FTO: variants seen among roughly 807,000 people sequenced by gnomAD.
The protein encoded by FTO is alpha-ketoglutarate-dependent dioxygenase FTO.
Under a neutral mutation model 63.9 loss-of-function variants are expected in FTO, and 47 were observed. The ratio of observed to expected loss-of-function variants is 0.74; its 90% CI spans 0.58 to 0.94. FTO has a LOEUF of 0.94. FTO is among the 40% of genes least tolerant of loss of function. FTO has a pLI of 0.00. For missense variants in FTO, 562 were observed against 618.1 expected, an observed-to-expected ratio of 0.91 and a Z score of 0.96; for synonymous variants, 207 against 224.4, an observed-to-expected ratio of 0.92 and a Z score of 0.69.
Position 53,947,660 on chromosome 16 carries a change from G to C in FTO, c.1364+13551G>C, listed in dbSNP as rs146794259. Among the ~76,000 whole-genome samples the C allele has an allele frequency of 5.5e-3, 830 of 152,254 alleles. 12 individuals carry two copies. Among genetic ancestry groups the C allele is most frequent in the African/African-American group, 0.019 (778 of 41,528 alleles). ...AAATTGCCTACTAAATAAATTAACAGGTTATCTTATTGGGATAATAAACAC... is the reference window on the plus strand; with the variant it reads ...AAATTGCCTACTAAATAAATTAACACGTTATCTTATTGGGATAATAAACAC... On this transcript the variant is annotated intron_variant, in intron 8 of 8. Transcript: ENST00000471389.
At chr16:54,012,846 A>T (rs2084360593) in intron 8 of FTO, among the ~76,000 whole-genome samples, 1 of 151,804 alleles carries the variant, frequency 6.6e-6, no homozygotes, top group East Asian at 1.9e-4. Context: ...AAAAAAAAAG[A>T]TTCCTTTCAA....
chr16:54,028,341 CCCT>C (rs1440183101), intron 8 of FTO, among the ~76,000 whole-genome samples: 3 of 152,132 alleles, frequency 2.0e-5, no homozygotes, highest in Non-Finnish European at 2.9e-5. Context: ...CCAGGATCCT[CCCT>C]CCTCCTCTCA....
intron 8 of FTO, among the ~76,000 whole-genome samples, chr16:53,957,241 G>A (rs1275751995): frequency 6.6e-6 from 1 of 152,186 alleles, no homozygotes; most frequent in African/African-American, 2.4e-5. Context: ...TGGAGGCCAA[G>A]GTAATTAAAC....
At chr16:53,805,474 G>A (rs2078340527) in intron 1 of FTO, among the ~76,000 whole-genome samples, 1 of 139,030 alleles carries the variant, frequency 7.2e-6, no homozygotes, top group Non-Finnish European at 1.5e-5. Flanking sequence ...GAGACAGAGA[G>A]TCTTATTCTG....
intron 3 of FTO, among the ~76,000 whole-genome samples, chr16:53,830,640 CTGTAA>C (rs1199230615): frequency 2.0e-5 from 3 of 152,226 alleles, no homozygotes; most frequent in South Asian, 2.1e-4. Context: ...AGGCTCACAA[CTGTAA>C]TCCCAGCACT....
At chr16:54,007,045 A>G (rs949311858) in intron 8 of FTO, among the ~76,000 whole-genome samples, 9 of 152,170 alleles carry the variant, frequency 5.9e-5, no homozygotes, top group Non-Finnish European at 1.0e-4. Context: ...CAAATGAAAT[A>G]AAAAGGTATT....
At chr16:53,738,848 AT>A (rs1054426640) in intron 1 of FTO, among the ~76,000 whole-genome samples, 16 of 150,438 alleles carry the variant, frequency 1.1e-4, no homozygotes, top group African/African-American at 2.9e-4. Flanking sequence ...TTTAAAAAAA[AT>A]TTTTTTTTTG....
chr16:54,098,921 A>C (rs1481804864), intron 8 of FTO, among the ~76,000 whole-genome samples: 1 of 152,230 alleles, frequency 6.6e-6, no homozygotes, highest in Non-Finnish European at 1.5e-5. Context: ...AGTGCGTTTA[A>C]AAATCACAGC....
intron 7 of FTO, chr16:53,911,412 T>C (rs1430790777): frequency 1.4e-6 from 1 of 702,976 alleles, no homozygotes; most frequent in Non-Finnish European, 2.6e-6. Flanking sequence ...AATGTAATAG[T>C]GTCGAACCCT....
intron 8 of FTO, among the ~76,000 whole-genome samples, chr16:53,952,876 C>T (rs146513452): frequency 1.1e-3 from 168 of 152,314 alleles, no homozygotes; most frequent in Middle Eastern, 3.4e-3. Flanking sequence ...AATTCTCATA[C>T]TGTCTTTCTC....
intron 1 of FTO, among the ~76,000 whole-genome samples, chr16:53,725,614 C>T (rs1427019818): frequency 6.6e-6 from 1 of 152,114 alleles, no homozygotes; most frequent in Non-Finnish European, 1.5e-5. Flanking sequence ...TAGCTATATT[C>T]TTGTTGGTAG....
At chr16:53,717,591 T>A (rs1483360394) in intron 1 of FTO, among the ~76,000 whole-genome samples, 3 of 152,158 alleles carry the variant, frequency 2.0e-5, no homozygotes, top group African/African-American at 7.2e-5. Flanking sequence ...ATTTTTGTTA[T>A]TCAAAAGTTT....
intron 8 of FTO, among the ~76,000 whole-genome samples, chr16:54,056,341 T>A (rs1049018999): frequency 6.6e-6 from 1 of 152,222 alleles, no homozygotes; most frequent in Non-Finnish European, 1.5e-5. Context: ...TGACCATTTA[T>A]TCCCAGCACC....
chr16:53,959,487 A>G (rs1442135850), intron 8 of FTO, among the ~76,000 whole-genome samples: 1 of 152,066 alleles, frequency 6.6e-6, no homozygotes, highest in African/African-American at 2.4e-5. Context: ...TGAGAATGTC[A>G]GTAGTAGCTA....
intron 8 of FTO, chr16:54,034,021 G>A (rs923098904): frequency 6.6e-6 from 1 of 152,176 alleles, no homozygotes; most frequent in Admixed American, 6.5e-5. Context: ...TATCACTTCT[G>A]AGGGTACAGG....
At chr16:53,950,648 C>CTAA (rs2082773497) in intron 8 of FTO, among the ~76,000 whole-genome samples, 1 of 152,190 alleles carries the variant, frequency 6.6e-6, no homozygotes, top group African/African-American at 2.4e-5. Context: ...CCCAGAAGAA[C>CTAA]TAATAGTAAT....
chr16:53,977,556 CT>C (rs533947569), intron 8 of FTO, among the ~76,000 whole-genome samples: 58 of 152,146 alleles, frequency 3.8e-4, no homozygotes, highest in Non-Finnish European at 7.6e-4. Context: ...AGCATTAAGG[CT>C]TTTGCATGCA....
At chr16:54,084,144 T>G (rs2086209558) in intron 8 of FTO, among the ~76,000 whole-genome samples, 1 of 152,242 alleles carries the variant, frequency 6.6e-6, no homozygotes, top group South Asian at 2.1e-4. Flanking sequence ...CCCAAGCATT[T>G]CAGAGAAGGG....
At chr16:54,101,197 G>C (rs765984098) in intron 8 of FTO, among the ~76,000 whole-genome samples, 1 of 151,810 alleles carries the variant, frequency 6.6e-6, no homozygotes, top group South Asian at 2.1e-4. Flanking sequence ...CATGTGTCAC[G>C]GAAGTTTGAG....
Sources: allele counts gnomAD v4.1 joint callset (sites outside exome capture counted in the v4.1 genomes callset), GRCh38; gene constraint gnomAD v4.1.1; transcripts MANE v1.5; gene names NCBI Gene and HGNC (gene_info 2026-07-23, HGNC 2026-07-21).